The following IGFL2 variants were observed in gnomAD, a reference collection of about 807,000 sequenced individuals.
IGFL2 encodes IGF like family member 2.
Under a neutral mutation model 13.9 loss-of-function variants are expected in IGFL2, and 7 were observed. The observed-to-expected ratio is 0.51, with a 90% CI of 0.29 to 0.95. The LOEUF (loss-of-function observed/expected upper bound fraction) is 0.95, where lower values mean the gene tolerates loss of function less well. Among genes scored for constraint, IGFL2 ranks in the 40% least tolerant of loss-of-function variants. The pLI is 0.08. For missense variants in IGFL2, 138 were observed against 147.8 expected, an observed-to-expected ratio of 0.93 and a Z score of 0.34; for synonymous variants, 55 against 55.8, an observed-to-expected ratio of 0.99 and a Z score of 0.07.
At chr19:46,193,853 G>A in the IGFL2 span, among the ~76,000 whole-genome samples, 348 of 152,294 alleles carry the variant, frequency 2.3e-3, 2 homozygotes, top group African/African-American at 7.9e-3. Flanking sequence ...GAAGAGATGG[G>A]TATTTCTGGT....
chr19:46,194,853 T>TATA, the IGFL2 span, among the ~76,000 whole-genome samples: 30 of 14,098 alleles, frequency 2.1e-3, no homozygotes, highest in Non-Finnish European at 3.2e-3. Context: ...TATATATATA[T>TATA]TTTTTTTTTT....
At chr19:46,082,179 G>A in the IGFL2 span, among the ~76,000 whole-genome samples, 1 of 152,184 alleles carries the variant, frequency 6.6e-6, no homozygotes, top group Admixed American at 6.5e-5. Flanking sequence ...CTTCTCTTCA[G>A]TTCAAATTAC....
intron 1 of IGFL2, among the ~76,000 whole-genome samples, chr19:46,154,457 T>G (rs1488119814): frequency 6.6e-6 from 1 of 152,154 alleles, no homozygotes. Flanking sequence ...TGTTTTGTTT[T>G]GTTTTTGACG....
At chr19:46,133,812 C>G in the IGFL2 span, among the ~76,000 whole-genome samples, 3 of 152,088 alleles carry the variant, frequency 2.0e-5, no homozygotes, top group Non-Finnish European at 4.4e-5. Context: ...CCAGGCAAGC[C>G]CCTAAATAAT....
chr19:46,081,464 C>T, the IGFL2 span, among the ~76,000 whole-genome samples: 2 of 152,164 alleles, frequency 1.3e-5, no homozygotes, highest in South Asian at 2.1e-4. Flanking sequence ...TTGTCCCACT[C>T]GTGTCCGCTT....
chr19:46,089,206 G>A, the IGFL2 span, among the ~76,000 whole-genome samples: 1 of 152,032 alleles, frequency 6.6e-6, no homozygotes, highest in Non-Finnish European at 1.5e-5. Context: ...AAACCTTATA[G>A]TTATCATATG....
chr19:46,186,914 AACC>A, the IGFL2 span, among the ~76,000 whole-genome samples: 88 of 152,346 alleles, frequency 5.8e-4, no homozygotes, highest in African/African-American at 2.0e-3. Flanking sequence ...AGAAAAAAAT[AACC>A]TAAGTTTATT....
At chr19:46,215,077 G>T in the IGFL2 span, among the ~76,000 whole-genome samples, 1 of 152,120 alleles carries the variant, frequency 6.6e-6, no homozygotes, top group Admixed American at 6.5e-5. Context: ...TTTGCTCTTT[G>T]TTCCTGAATA....
the IGFL2 span, among the ~76,000 whole-genome samples, chr19:46,179,168 G>T: frequency 6.6e-6 from 1 of 151,674 alleles, no homozygotes; most frequent in Non-Finnish European, 1.5e-5. Flanking sequence ...TAGTTGTGGG[G>T]TGCAGAGTCT....
the IGFL2 span, among the ~76,000 whole-genome samples, chr19:46,179,170 G>A: frequency 6.6e-6 from 1 of 151,434 alleles, no homozygotes; most frequent in South Asian, 2.1e-4. Flanking sequence ...GTTGTGGGGT[G>A]CAGAGTCTGT....
At chr19:46,124,332 A>G in the IGFL2 span, 3 of 1,606,638 alleles carry the variant, frequency 1.9e-6, no homozygotes, top group Admixed American at 5.0e-5. Flanking sequence ...CTAAGGGAGA[A>G]AGGAAAAAGG....
chr19:46,175,802 A>C, the IGFL2 span, among the ~76,000 whole-genome samples: 124 of 150,398 alleles, frequency 8.2e-4, 2 homozygotes, highest in Middle Eastern at 0.018. Flanking sequence ...CAGCCTCCCA[A>C]AGTGCTGGGA....
At chr19:46,090,975 G>C in the IGFL2 span, among the ~76,000 whole-genome samples, 9 of 152,264 alleles carry the variant, frequency 5.9e-5, no homozygotes, top group African/African-American at 1.2e-4. Context: ...ATCTCTCTCT[G>C]TGCTATGCTG....
chr19:46,091,773 TAAAG>T, the IGFL2 span, among the ~76,000 whole-genome samples: 7 of 152,184 alleles, frequency 4.6e-5, no homozygotes, highest in Non-Finnish European at 8.8e-5. Flanking sequence ...ATTATTTAGC[TAAAG>T]AAACACAGTC....
the IGFL2 span, among the ~76,000 whole-genome samples, chr19:46,112,557 CAGGACCACAA>C: frequency 6.6e-6 from 1 of 152,332 alleles, no homozygotes; most frequent in South Asian, 2.1e-4. Context: ...CCAGTACAGT[CAGGACCACAA>C]AGCATAGATG....
chr19:46,179,167 G>A, the IGFL2 span, among the ~76,000 whole-genome samples: 1 of 149,986 alleles, frequency 6.7e-6, no homozygotes, highest in African/African-American at 2.5e-5. Flanking sequence ...CTAGTTGTGG[G>A]GTGCAGAGTC....
At chr19:46,167,473 A>G in the IGFL2 span, among the ~76,000 whole-genome samples, 5 of 152,122 alleles carry the variant, frequency 3.3e-5, no homozygotes, top group Admixed American at 2.6e-4. Context: ...GACCCCTACA[A>G]TGGGGCTAAT....
At chr19:46,186,803 C>T in the IGFL2 span, among the ~76,000 whole-genome samples, 1 of 152,140 alleles carries the variant, frequency 6.6e-6, no homozygotes, top group African/African-American at 2.4e-5. Flanking sequence ...CACTGAAGTC[C>T]GCTGCTACGT....
intron 1 of IGFL2, among the ~76,000 whole-genome samples, chr19:46,151,361 C>T (rs1460607778): frequency 6.6e-6 from 1 of 152,072 alleles, no homozygotes; most frequent in East Asian, 1.9e-4. Flanking sequence ...ATCATTTGTT[C>T]CCTTACTTCA....
Sources: allele counts gnomAD v4.1 joint callset (sites outside exome capture counted in the v4.1 genomes callset), GRCh38; gene constraint gnomAD v4.1.1; transcripts MANE v1.5; gene names NCBI Gene and HGNC (gene_info 2026-07-23, HGNC 2026-07-21).